The following TEX11 variants were observed in gnomAD, a reference collection of about 807,000 sequenced individuals.
TEX11 encodes the protein testis expressed 11, also known as testis-expressed protein 11.
In TEX11, 7 loss-of-function variants were observed where a neutral mutation model predicts 84.4. The ratio of observed to expected loss-of-function variants is 0.08; its 90% CI spans 0.05 to 0.16. The LOEUF is 0.16. Among genes scored for constraint, TEX11 ranks in the 10% least tolerant of loss-of-function variants. TEX11 has a pLI of 1.00. For missense variants in TEX11, 551 were observed against 660.5 expected (o/e 0.83, Z 1.82); for synonymous variants, 264 against 222.8 (o/e 1.18, Z -1.64).
At chrX:70,845,453 C>A (rs180807487) in intron 7 of TEX11, among the ~76,000 whole-genome samples, 36 of 111,252 alleles carry the variant, frequency 3.2e-4, no homozygotes, top group Middle Eastern at 9.2e-3. Flanking sequence ...GGGGCCACTG[C>A]GCCTGGCCCA....
chrX:70,901,527 G>C (rs1486076242), intron 2 of TEX11, among the ~76,000 whole-genome samples: 1 of 111,964 alleles, frequency 8.9e-6, no homozygotes, highest in East Asian at 2.8e-4. Flanking sequence ...GGATGAAACT[G>C]TTCTACCTCA....
At position 70,749,771 on chromosome X, in the gene TEX11, C is replaced by A. The variant is rs763590632; in HGVS notation, c.693-5552G>T. 4.5e-4 allele frequency among the ~76,000 whole-genome samples: 48 copies of A among 106,997 alleles called. No individual in the cohort carries two copies. In the East Asian group the frequency reaches 0.01, roughly 23 times the overall value. The allele number at this position is 106,997 out of a possible 115,157, so 92.9% of individuals were successfully genotyped here. ...CCAGCCTTGCATCCCAGGGATGAAG[C>A]CCACTTGATCATGGTGGATAAGCTT... On this transcript the variant is annotated intron_variant, in intron 9 of 29. Coordinates refer to ENST00000374333, the MANE Select transcript of TEX11 (RefSeq NM_031276.3).
chrX:70,747,564 G>GA (rs1350172020), intron 9 of TEX11, among the ~76,000 whole-genome samples: 4 of 111,571 alleles, frequency 3.6e-5, no homozygotes, highest in African/African-American at 1.3e-4. Flanking sequence ...CTACACAGAA[G>GA]AAAAAAAGCA....
At chrX:70,583,336 T>A (rs2147483867) in intron 25 of TEX11, among the ~76,000 whole-genome samples, 1 of 111,874 alleles carries the variant, frequency 8.9e-6, no homozygotes, top group South Asian at 3.8e-4. Context: ...TAGCTCCCAC[T>A]TATGAGTGAG....
intron 13 of TEX11, among the ~76,000 whole-genome samples, chrX:70,700,036 T>C (rs1438558246): frequency 4.5e-5 from 5 of 111,650 alleles, no homozygotes; most frequent in Non-Finnish European, 9.4e-5. Context: ...GGAAACAGCA[T>C]TGGTACGATG....
At chrX:70,905,348 T>C (rs1232051630) in intron 2 of TEX11, among the ~76,000 whole-genome samples, 1 of 110,850 alleles carries the variant, frequency 9.0e-6, no homozygotes, top group Non-Finnish European at 1.9e-5. Context: ...AATCAGTCAA[T>C]GTATTGAGGT....
At chrX:70,654,859 AT>A (rs1408488537) in intron 16 of TEX11, among the ~76,000 whole-genome samples, 1 of 110,848 alleles carries the variant, frequency 9.0e-6, no homozygotes, top group Non-Finnish European at 1.9e-5. Flanking sequence ...GATTAAAAAT[AT>A]GTAACTACAT....
intron 11 of TEX11, among the ~76,000 whole-genome samples, chrX:70,733,947 A>G (rs764855173): frequency 8.9e-6 from 1 of 112,013 alleles, no homozygotes; most frequent in South Asian, 3.8e-4. Flanking sequence ...AAAGTGGCAC[A>G]TACACACCAT....
intron 13 of TEX11, among the ~76,000 whole-genome samples, chrX:70,711,604 T>C (rs1178227804): frequency 9.8e-5 from 11 of 112,332 alleles, no homozygotes; most frequent in Non-Finnish European, 1.5e-4. Context: ...GAAGTGTCCA[T>C]TCATATCCTT....
At chrX:70,640,406 G>A (rs1386723622) in intron 17 of TEX11, among the ~76,000 whole-genome samples, 2 of 103,787 alleles carry the variant, frequency 1.9e-5, no homozygotes, top group African/African-American at 7.0e-5. Context: ...TCAGATTCAG[G>A]AAATACAGAG....
At chrX:70,779,271 C>G (rs374068358) in intron 9 of TEX11, among the ~76,000 whole-genome samples, 200 of 107,609 alleles carry the variant, frequency 1.9e-3, no homozygotes, top group African/African-American at 6.5e-3. Context: ...AAAAATTAGC[C>G]AAGAGTGGTC....
chrX:70,819,742 A>G (rs1180957040), intron 8 of TEX11, among the ~76,000 whole-genome samples: 3 of 112,296 alleles, frequency 2.7e-5, no homozygotes, highest in South Asian at 3.7e-4. Flanking sequence ...ATGATACAAA[A>G]TCAACATACA....
At chrX:70,545,536 G>A (rs1209625864) in intron 28 of TEX11, among the ~76,000 whole-genome samples, 1 of 111,224 alleles carries the variant, frequency 9.0e-6, no homozygotes, top group African/African-American at 3.3e-5. Context: ...CCATTTTCTG[G>A]AATATCTCCT....
At chrX:70,684,620 T>C (rs1362157317) in intron 13 of TEX11, among the ~76,000 whole-genome samples, 3 of 111,755 alleles carry the variant, frequency 2.7e-5, no homozygotes, top group Non-Finnish European at 5.6e-5. Flanking sequence ...GAAACATCTG[T>C]ACACTGAAAA....
At chrX:70,769,092 T>C (rs899279378) in intron 9 of TEX11, among the ~76,000 whole-genome samples, 2 of 110,809 alleles carry the variant, frequency 1.8e-5, no homozygotes. Flanking sequence ...TAAAGGAAAA[T>C]GTATAGCTAT....
intron 11 of TEX11, among the ~76,000 whole-genome samples, chrX:70,730,116 T>C (rs1179191560): frequency 1.8e-5 from 2 of 111,787 alleles, no homozygotes; most frequent in African/African-American, 6.5e-5. Flanking sequence ...GCTGAGAGAT[T>C]CTGTCACCAC....
intron 9 of TEX11, among the ~76,000 whole-genome samples, chrX:70,755,112 G>A (rs1051579250): frequency 2.6e-4 from 29 of 111,898 alleles, no homozygotes; most frequent in African/African-American, 7.8e-4. Flanking sequence ...GGGAATACAT[G>A]GCCACATCAA....
intron 8 of TEX11, among the ~76,000 whole-genome samples, chrX:70,811,773 C>G (rs1162883656): frequency 9.0e-6 from 1 of 111,009 alleles, no homozygotes; most frequent in Non-Finnish European, 1.9e-5. Flanking sequence ...TCTCTGATGG[C>G]CAGTGATGAT....
chrX:70,695,564 T>C (rs975270586), intron 13 of TEX11, among the ~76,000 whole-genome samples: 1 of 112,176 alleles, frequency 8.9e-6, no homozygotes, highest in African/African-American at 3.2e-5. Flanking sequence ...TAAGTATGTA[T>C]GTGTAATCAA....
Sources: gnomAD v4.1 joint callset for allele counts (sites outside exome capture counted in the v4.1 genomes callset) on GRCh38, gnomAD v4.1.1 for gene constraint, MANE v1.5 for transcripts, NCBI Gene and HGNC (gene_info 2026-07-23, HGNC 2026-07-21) for gene names.